COL24A1: variants seen among roughly 807,000 people sequenced by gnomAD.
COL24A1 encodes collagen type XXIV alpha 1 chain, also known as collagen alpha-1(XXIV) chain.
A neutral mutation model predicts 253.9 loss-of-function variants in COL24A1; 224 were observed. That is an observed-to-expected ratio of 0.88 (90% CI 0.79 to 0.99). The LOEUF (loss-of-function observed/expected upper bound fraction) is 0.99, where lower values mean the gene tolerates loss of function less well. COL24A1 is among the 50% of genes least tolerant of loss of function. COL24A1 has a pLI of 0.00. For missense variants in COL24A1, 2,131 were observed against 2,068.5 expected (o/e 1.03, Z -0.59); for synonymous variants, 685 against 673.7 (o/e 1.02, Z -0.26).
chr1:85,986,271 G>T (rs1442055994), intron 20 of COL24A1, among the ~76,000 whole-genome samples: 1 of 151,672 alleles, frequency 6.6e-6, no homozygotes, highest in Non-Finnish European at 1.5e-5. Flanking sequence ...TGCCATGAGA[G>T]GCAGCCAATA....
chr1:85,885,397 A>ATATATATATATTT (rs60994639), intron 32 of COL24A1, among the ~76,000 whole-genome samples: 20 of 128,908 alleles, frequency 1.6e-4, no homozygotes, highest in African/African-American at 4.1e-4. Context: ...ATATATATAT[A>ATATATATATATTT]TTTTTTTTTT....
At chr1:85,787,783 T>G (rs1669838464) in intron 47 of COL24A1, among the ~76,000 whole-genome samples, 1 of 152,194 alleles carries the variant, frequency 6.6e-6, no homozygotes, top group South Asian at 2.1e-4. Context: ...CTTTGGTTCC[T>G]TAAGGTCTTC....
intron 39 of COL24A1, among the ~76,000 whole-genome samples, chr1:85,842,905 A>C (rs1311408914): frequency 6.6e-6 from 1 of 152,132 alleles, no homozygotes; most frequent in Non-Finnish European, 1.5e-5. Flanking sequence ...CCCTATGATT[A>C]CTCTTATTAT....
chr1:86,122,191 AT>A (rs869254477), intron 3 of COL24A1, among the ~76,000 whole-genome samples: 1 of 70,144 alleles, frequency 1.4e-5, no homozygotes, highest in African/African-American at 5.3e-5. Context: ...CTCAGTTCTC[AT>A]TCTCTTTGAC....
chr1:85,991,077 C>A (rs191265539), intron 19 of COL24A1, among the ~76,000 whole-genome samples: 92 of 152,290 alleles, frequency 6.0e-4, no homozygotes, highest in African/African-American at 2.1e-3. Context: ...AAAAAGAGAT[C>A]ACCAGACATT....
rs80003169 is a variant in COL24A1 at position 85,813,850 on chromosome 1, C to A, written c.3951+2938G>T. ...ACAGGCGTGAGCCACCGCGCCCGGC[C>A]TCATTCAGGTCTTTGAATCTTGAAA... On this transcript the variant is annotated intron_variant, in intron 47 of 59. Transcript: ENST00000370571. 8.7e-3 allele frequency among the ~76,000 whole-genome samples: 1,331 copies of A among 152,272 alleles called. 64 individuals carry two copies. In the East Asian group the frequency reaches 0.13, roughly 15 times the overall value.
intron 53 of COL24A1, among the ~76,000 whole-genome samples, chr1:85,773,272 G>A (rs1387776027): frequency 1.7e-4 from 26 of 152,116 alleles, no homozygotes; most frequent in Admixed American, 1.6e-3. Flanking sequence ...GGTTACTACC[G>A]TCTTGCAGTA....
At chr1:85,921,283 T>A (rs954730791) in intron 24 of COL24A1, among the ~76,000 whole-genome samples, 2 of 152,206 alleles carry the variant, frequency 1.3e-5, no homozygotes, top group African/African-American at 2.4e-5. Flanking sequence ...GGAGATTATA[T>A]CCTGTGCCTG....
chr1:85,891,155 G>T (rs368443082), intron 31 of COL24A1, among the ~76,000 whole-genome samples: 2 of 150,488 alleles, frequency 1.3e-5, no homozygotes, highest in South Asian at 2.1e-4. Context: ...GGTTCACGCC[G>T]TTCTCCTGCC....
intron 14 of COL24A1, chr1:86,030,317 G>A (rs1698449035): frequency 1.3e-5 from 2 of 152,232 alleles, no homozygotes; most frequent in Admixed American, 1.3e-4. Flanking sequence ...TGCCATTTTG[G>A]AGGCCACCAA....
intron 43 of COL24A1, among the ~76,000 whole-genome samples, chr1:85,834,487 G>A (rs986205385): frequency 6.6e-6 from 1 of 152,178 alleles, no homozygotes; most frequent in Non-Finnish European, 1.5e-5. Context: ...CTGAGTTTGA[G>A]GTGCCTGTGA....
chr1:85,731,958 C>A (rs1025625797), intron 59 of COL24A1, among the ~76,000 whole-genome samples: 2 of 152,206 alleles, frequency 1.3e-5, no homozygotes, highest in East Asian at 1.9e-4. Context: ...TACACACACA[C>A]AACAACCACC....
chr1:86,104,547 T>C (rs141605057), intron 5 of COL24A1, among the ~76,000 whole-genome samples: 1,690 of 152,216 alleles, frequency 0.011, 16 homozygotes, highest in Middle Eastern at 0.058. Flanking sequence ...CTTTGAATGG[T>C]TTGTTTTTCT....
intron 2 of COL24A1, among the ~76,000 whole-genome samples, chr1:86,132,438 C>A (rs1649408237): frequency 6.6e-6 from 1 of 152,038 alleles, no homozygotes; most frequent in African/African-American, 2.4e-5. Context: ...GAAGTCCTTG[C>A]CCATGCCTAT....
intron 28 of COL24A1, among the ~76,000 whole-genome samples, chr1:85,905,394 T>C (rs1420963362): frequency 6.6e-6 from 1 of 152,068 alleles, no homozygotes; most frequent in Non-Finnish European, 1.5e-5. Flanking sequence ...AAAATAGGAA[T>C]ATATCAGTGG....
chr1:85,813,574 G>A (rs1464882712), intron 47 of COL24A1, among the ~76,000 whole-genome samples: 6 of 101,642 alleles, frequency 5.9e-5, no homozygotes, highest in African/African-American at 2.0e-4. Context: ...TTTTTGAGAC[G>A]GAGTCTCGCT....
intron 7 of COL24A1, among the ~76,000 whole-genome samples, chr1:86,086,340 G>A (rs966765129): frequency 3.3e-5 from 5 of 152,064 alleles, no homozygotes; most frequent in African/African-American, 1.2e-4. Context: ...CAAGTTGGCT[G>A]ACCTACCATG....
chr1:85,970,028 T>C (rs1339259472), intron 22 of COL24A1, among the ~76,000 whole-genome samples, 199 bp downstream of exon 22: 3 of 152,186 alleles, frequency 2.0e-5, no homozygotes, highest in Non-Finnish European at 4.4e-5. Context: ...CAAGTAACTA[T>C]GTAGTAGGCA....
At chr1:85,990,973 A>T (rs2100961211) in intron 19 of COL24A1, among the ~76,000 whole-genome samples, 1 of 152,356 alleles carries the variant, frequency 6.6e-6, no homozygotes, top group Middle Eastern at 3.4e-3. Flanking sequence ...TGAAAAAGAA[A>T]GAAGAGGATT....
Sources: gnomAD v4.1 joint callset for allele counts (sites outside exome capture counted in the v4.1 genomes callset) on GRCh38, gnomAD v4.1.1 for gene constraint, MANE v1.5 for transcripts, NCBI Gene and HGNC (gene_info 2026-07-23, HGNC 2026-07-21) for gene names.